Variants in FHIT observed in about 807,000 individuals in gnomAD.
FHIT encodes the protein fragile histidine triad diadenosine triphosphatase, also known as bis(5'-adenosyl)-triphosphatase.
Under a neutral mutation model 17.9 loss-of-function variants are expected in FHIT, and 19 were observed. The observed-to-expected ratio is 1.06, with a 90% CI of 0.74 to 1.56. The LOEUF (loss-of-function observed/expected upper bound fraction) is 1.56, where lower values mean the gene tolerates loss of function less well. Ranked by LOEUF, FHIT falls within the 40% of genes most tolerant of loss-of-function variation. The probability of loss-of-function intolerance (pLI) is 0.00; values close to 1 mark genes in which losing one functional copy is unlikely to be tolerated. For synonymous variants in FHIT, 81 were observed against 69.7 expected, an observed-to-expected ratio of 1.16 and a Z score of -0.81; for missense variants, 248 against 189.2, an observed-to-expected ratio of 1.31 and a Z score of -1.82.
At chr3:60,427,685 A>G (rs1045060261) in intron 5 of FHIT, among the ~76,000 whole-genome samples, 1 of 152,016 alleles carries the variant, frequency 6.6e-6, no homozygotes, top group Non-Finnish European at 1.5e-5. Context: ...TGCCTAATTG[A>G]GTTACTTTAA....
At chr3:60,344,933 A>G (rs1459827834) in intron 5 of FHIT, among the ~76,000 whole-genome samples, 1 of 152,180 alleles carries the variant, frequency 6.6e-6, no homozygotes, top group Non-Finnish European at 1.5e-5. Context: ...TTATACCTCC[A>G]CTATCACTCA....
chr3:60,491,981 T>C (rs917646688), intron 5 of FHIT, among the ~76,000 whole-genome samples: 14 of 152,236 alleles, frequency 9.2e-5, no homozygotes, highest in Non-Finnish European at 2.1e-4. Context: ...AAGAACTTTC[T>C]AACCTCGTTT....
At chr3:60,062,244 T>C (rs1356219319) in intron 5 of FHIT, among the ~76,000 whole-genome samples, 4 of 152,116 alleles carry the variant, frequency 2.6e-5, no homozygotes, top group Non-Finnish European at 5.9e-5. Flanking sequence ...GGTACCTTAC[T>C]ATGGAGTTGA....
At chr3:59,942,368 C>T (rs1368337376) in intron 7 of FHIT, among the ~76,000 whole-genome samples, 4 of 152,170 alleles carry the variant, frequency 2.6e-5, no homozygotes, top group Non-Finnish European at 5.9e-5. Context: ...AGATGTGATG[C>T]TTCAAACTCA....
At chr3:60,009,083 G>A (rs922046618) in intron 7 of FHIT, among the ~76,000 whole-genome samples, 1 of 151,726 alleles carries the variant, frequency 6.6e-6, no homozygotes, top group Non-Finnish European at 1.5e-5. Context: ...ATCGCATTTT[G>A]AAAAGCAGAT....
chr3:59,990,229 C>A (rs142645958), intron 7 of FHIT, among the ~76,000 whole-genome samples: 2 of 151,972 alleles, frequency 1.3e-5, no homozygotes, highest in East Asian at 3.9e-4. Context: ...ATGAAAATAT[C>A]CCCAGTGAGA....
intron 3 of FHIT, among the ~76,000 whole-genome samples, chr3:60,986,629 A>G (rs1307460172): frequency 1.3e-5 from 2 of 152,098 alleles, no homozygotes; most frequent in African/African-American, 2.4e-5. Context: ...GATGCCCCCC[A>G]GTTATTTCTC....
intron 4 of FHIT, among the ~76,000 whole-genome samples, chr3:60,561,421 T>C (rs944717715): frequency 4.6e-5 from 7 of 152,108 alleles, no homozygotes; most frequent in Admixed American, 1.3e-4. Context: ...CAAGTCGCTA[T>C]TGATAGAATA....
Position 60,459,988 on chromosome 3 carries a change from A to T in FHIT, c.103+76872T>A, listed in dbSNP as rs550337768. ...ACAAGATGTCCTTCTCTCATGTTGC[A>T]ATCAGCAACCCAAAAGTCCTGTAAA... On this transcript the variant is annotated intron_variant, in intron 5 of 9. Transcript: ENST00000492590. 2.0e-5 allele frequency among the ~76,000 whole-genome samples: 3 copies of T among 152,320 alleles called. No individual in the cohort carries two copies. The East Asian group carries it at 5.8e-4, about 29-fold the overall frequency.
intron 5 of FHIT, among the ~76,000 whole-genome samples, chr3:60,190,188 T>C (rs542642139): frequency 6.6e-6 from 1 of 152,312 alleles, no homozygotes; most frequent in South Asian, 2.1e-4. Context: ...TGTGATTGAC[T>C]GATGACATCA....
intron 7 of FHIT, among the ~76,000 whole-genome samples, chr3:59,988,718 A>T (rs555194873): frequency 3.9e-5 from 6 of 152,176 alleles, no homozygotes; most frequent in Non-Finnish European, 7.4e-5. Context: ...AGGAGCAAAC[A>T]CCCGAAGGAT....
chr3:60,097,024 TAAA>T (rs71287192), intron 5 of FHIT, among the ~76,000 whole-genome samples: 8 of 127,220 alleles, frequency 6.3e-5, no homozygotes, highest in African/African-American at 1.7e-4. Context: ...CTGTTATTAT[TAAA>T]AAAAAAAAAA....
chr3:60,518,653 G>A (rs977302437), intron 5 of FHIT, among the ~76,000 whole-genome samples: 1 of 152,172 alleles, frequency 6.6e-6, no homozygotes, highest in African/African-American at 2.4e-5. Context: ...CGAAAAGTCA[G>A]TAATAACTAA....
At chr3:60,156,529 A>C (rs1427546665) in intron 5 of FHIT, among the ~76,000 whole-genome samples, 1 of 152,124 alleles carries the variant, frequency 6.6e-6, no homozygotes, top group Non-Finnish European at 1.5e-5. Flanking sequence ...CGGAAGAATC[A>C]CTAGAGCCCA....
At chr3:60,601,031 C>T (rs1559571664) in intron 4 of FHIT, among the ~76,000 whole-genome samples, 1 of 152,168 alleles carries the variant, frequency 6.6e-6, no homozygotes, top group Non-Finnish European at 1.5e-5. Flanking sequence ...TTCACAGCAG[C>T]CCTGCCAGCA....
intron 3 of FHIT, among the ~76,000 whole-genome samples, chr3:60,959,917 A>G (rs1553780137): frequency 6.6e-6 from 1 of 151,834 alleles, no homozygotes; most frequent in East Asian, 1.9e-4. Context: ...TCAACAGTGA[A>G]CATGCGTTGC....
intron 3 of FHIT, among the ~76,000 whole-genome samples, chr3:61,030,106 A>G (rs1045317848): frequency 6.6e-6 from 1 of 152,168 alleles, no homozygotes; most frequent in Non-Finnish European, 1.5e-5. Flanking sequence ...ATTAGCTGGG[A>G]CTACAGGCAT....
intron 3 of FHIT, among the ~76,000 whole-genome samples, chr3:60,991,798 G>A (rs28459374): frequency 6.5e-4 from 57 of 87,746 alleles, no homozygotes; most frequent in Non-Finnish European, 1.2e-3. Context: ...AGCTGTTGTT[G>A]TTATTATTAT....
intron 3 of FHIT, among the ~76,000 whole-genome samples, chr3:61,018,608 G>A (rs540591870): frequency 1.3e-5 from 2 of 152,236 alleles, no homozygotes; most frequent in South Asian, 2.1e-4. Flanking sequence ...TATCACCCCA[G>A]CAAGGAAAGT....
Sources: allele counts gnomAD v4.1 joint callset (sites outside exome capture counted in the v4.1 genomes callset), GRCh38; gene constraint gnomAD v4.1.1; transcripts MANE v1.5; gene names NCBI Gene and HGNC (gene_info 2026-07-23, HGNC 2026-07-21).